PIK3IP1: variants seen among roughly 807,000 people sequenced by gnomAD.
The protein encoded by PIK3IP1 is phosphoinositide-3-kinase interacting protein 1, also known as phosphoinositide-3-kinase-interacting protein 1.
PIK3IP1 carries 28 observed loss-of-function variants against 30.7 expected under a neutral mutation model. The observed-to-expected ratio is 0.91, with a 90% confidence interval of 0.68 to 1.25. The LOEUF is 1.25. Among genes scored for constraint, PIK3IP1 ranks in the 50% most tolerant of loss-of-function variants. PIK3IP1 has a pLI of 0.00. For missense variants in PIK3IP1, 333 were observed against 346.2 expected, an observed-to-expected ratio of 0.96 and a Z score of 0.30; for synonymous variants, 159 against 140.8, an observed-to-expected ratio of 1.13 and a Z score of -0.91.
At position 31,289,561 on chromosome 22, in the gene PIK3IP1, A is replaced by G; in HGVS notation, c.446T>C (p.Val149Ala). Residue 149 changes from valine (V) to alanine (A), a missense_variant, in exon 4 of 6, where the codon GTG (valine) becomes GCG (alanine). Val to Ala is a moderately conservative substitution (Grantham distance 64). Coordinates refer to ENST00000215912, the MANE Select transcript of PIK3IP1 (RefSeq NM_052880.5). ...ARSEAAAVQP[V>A]IGISQRVRMN... ...CCGCACCCGCTGGCTGATCCCAATC[A>G]CTGGCTGCACAGCTGCCGCCTCACT... The G allele has an allele frequency of 6.4e-7, 1 of 1,556,812 alleles. No homozygotes were observed. The highest frequency in any genetic ancestry group is 1.3e-5 in the African/African-American group (1 of 74,304).
At position 31,292,338 on chromosome 22, in the gene PIK3IP1, A is replaced by G. The variant is rs1305890612; in HGVS notation, c.7T>C (p.Leu3=). 15 of 1,614,000 alleles carry G rather than the reference A, an allele frequency of 9.3e-6. No homozygotes were observed. The highest frequency in any genetic ancestry group is 1.7e-5 in the Admixed American group (1 of 59,986). The change falls in exon 1 of 6, where the codon TTG becomes CTG. Residue 3 remains leucine, a synonymous_variant. Coordinates refer to ENST00000215912, the MANE Select transcript of PIK3IP1 (RefSeq NM_052880.5). ML[L]AWVQAFLVSN... is the part of the protein sequence containing the mutation. ...ACGAGGAATGCTTGTACCCAGGCCA[A>G]CAGCATCCTTGCCTCCTTCGTCTTG...
At chr22:31,285,348 A>G (rs1273416677) in intron 5 of PIK3IP1, among the ~76,000 whole-genome samples, 1 of 152,222 alleles carries the variant, frequency 6.6e-6, no homozygotes, top group Admixed American at 6.5e-5. Context: ...TTGTATGCCT[A>G]AACTATACTG....
intron 2 of PIK3IP1, 44 bp downstream of exon 2, chr22:31,291,136 C>T (rs1171800415): frequency 1.6e-5 from 25 of 1,536,448 alleles, no homozygotes; most frequent in Non-Finnish European, 1.9e-5. Context: ...GGGAACGCGG[C>T]CGCCGCCCGC....
intron 5 of PIK3IP1, 121 bp from the exon 6 acceptor site, chr22:31,283,409 C>T: frequency 9.4e-7 from 1 of 1,059,594 alleles, no homozygotes; most frequent in Non-Finnish European, 1.4e-6. Context: ...AAATCAGTGG[C>T]TGAGCCAGGA....
chr22:31,283,615 G>A (rs1205995679), intron 5 of PIK3IP1, among the ~76,000 whole-genome samples: 1 of 148,764 alleles, frequency 6.7e-6, no homozygotes, highest in Non-Finnish European at 1.5e-5. Flanking sequence ...TTTTATGGTT[G>A]AGACAGGGTC....
rs189173797 is a variant in PIK3IP1 at position 31,286,191 on chromosome 22, T to C, written c.588-2903A>G. Among the ~76,000 whole-genome samples, 17 of 152,122 alleles carry C rather than the reference T, an allele frequency of 1.1e-4. No homozygotes were observed. In the East Asian group the frequency reaches 2.9e-3, roughly 26 times the overall value. Reference sequence around the variant, plus strand: ...AAGATAATCAGGGAAGAGCATACAGTAGGGCCTTACTTATTAAGAAAGCAT... The same window carrying C: ...AAGATAATCAGGGAAGAGCATACAGCAGGGCCTTACTTATTAAGAAAGCAT... On this transcript the variant is annotated intron_variant, in intron 5 of 5. Coordinates refer to ENST00000215912, the MANE Select transcript of PIK3IP1 (RefSeq NM_052880.5).
intron 5 of PIK3IP1, among the ~76,000 whole-genome samples, chr22:31,286,990 CAG>C (rs200763237): frequency 6.7e-6 from 1 of 149,686 alleles, no homozygotes; most frequent in African/African-American, 2.5e-5. Flanking sequence ...CATAAGAAAT[CAG>C]AGAGTACTAG....
rs143044804 is a variant in PIK3IP1 at position 31,283,128 on chromosome 22, C to T, written c.748G>A (p.Gly250Ser). Residue 250 changes from glycine to serine, a missense_variant, in exon 6 of 6, where the codon GGC (glycine) becomes AGC (serine). Transcript: ENST00000215912. Reference protein sequence around the residue: ...TSQTPVDPQEGTTPLMGQAGT... With the variant: ...TSQTPVDPQESTTPLMGQAGT... ...GCCTGGCCCATAAGGGGGGTGGTGCCCTCCTGAGGGTCAACTGGAGTCTGG... is the reference window on the plus strand; with the variant it reads ...GCCTGGCCCATAAGGGGGGTGGTGCTCTCCTGAGGGTCAACTGGAGTCTGG... 159 of 1,613,124 alleles carry T rather than the reference C, an allele frequency of 9.9e-5. 1 individual carries two copies. In the African/African-American group the frequency reaches 1.9e-3, roughly 19 times the overall value.
At chr22:31,284,069 G>A (rs2049112713) in intron 5 of PIK3IP1, among the ~76,000 whole-genome samples, 1 of 152,024 alleles carries the variant, frequency 6.6e-6, no homozygotes, top group African/African-American at 2.4e-5. Context: ...CACGCCCAGA[G>A]TATTTTGTAT....
Position 31,283,172 on chromosome 22 carries a change from G to A in PIK3IP1, c.704C>T (p.Thr235Ile). Residue 235 changes from threonine to isoleucine, a missense_variant, in exon 6 of 6, where the codon ACT (threonine) becomes ATT (isoleucine). Thr to Ile is a moderately conservative substitution (Grantham distance 89, BLOSUM62 -1). Coordinates refer to ENST00000215912, the MANE Select transcript of PIK3IP1 (RefSeq NM_052880.5). ...AGTCTGGCTGGTGTGGACCACGACA[G>A]TCTTCTCATCCACAATCTCACAGGT... ...NPTCEIVDEKTVVVHTSQTPV... is the reference protein window; with the variant it reads ...NPTCEIVDEKIVVVHTSQTPV... 6.2e-7 allele frequency: 1 copy of A among 1,614,212 alleles called. No individual in the cohort carries two copies. Among genetic ancestry groups the A allele is most frequent in the Non-Finnish European group, 8.5e-7 (1 of 1,180,038 alleles).
rs1480089305 is a variant in PIK3IP1 at position 31,283,619 on chromosome 22, CAG to C, written c.588-333_588-332del. On this transcript the variant is annotated intron_variant, in intron 5 of 5. Coordinates refer to ENST00000215912, the MANE Select transcript of PIK3IP1 (RefSeq NM_052880.5). Reference sequence around the variant, plus strand: ...TTTTTTTTTTTTTTTATGGTTGAGACAGGGTCTCAACATGTTGCCTAGGCTGG... The same window carrying C: ...TTTTTTTTTTTTTTTATGGTTGAGACGGTCTCAACATGTTGCCTAGGCTGG... Among the ~76,000 whole-genome samples the C allele has an allele frequency of 2.0e-5, 3 of 149,356 alleles. No homozygotes were observed. In the East Asian group the frequency reaches 5.9e-4, roughly 29 times the overall value.
intron 3 of PIK3IP1, 39 bp downstream of exon 3, chr22:31,290,926 G>C: frequency 1.8e-5 from 27 of 1,536,722 alleles, no homozygotes; most frequent in Non-Finnish European, 2.0e-5. Flanking sequence ...CTTCCTGTCA[G>C]CGCCAGGAGC....
intron 3 of PIK3IP1, chr22:31,290,016 T>G (rs1033595892): frequency 3.4e-6 from 1 of 294,106 alleles, no homozygotes; most frequent in African/African-American, 2.2e-5. Context: ...TTCCCCCCAC[T>G]TCTACTTCAG....
In PIK3IP1 at chr22:31,283,091, C is replaced by T. The variant is rs370824040; in HGVS notation, c.785G>A (p.Gly262Glu). ...CCTGCCCACTGGGGGGGCTCAGGCC[C>T]CAGGAGTCCCGGCCTGGCCCATAAG... ...TPLMGQAGTP[G>E]A Residue 262 changes from glycine (G) to glutamate (E), a missense_variant, in exon 6 of 6, where the codon GGG becomes GAG. Gly to Glu is a moderately conservative substitution (Grantham distance 98, BLOSUM62 -2). Coordinates refer to ENST00000215912, the MANE Select transcript of PIK3IP1 (RefSeq NM_052880.5). 5.6e-6 allele frequency: 9 copies of T among 1,595,214 alleles called. No individual in the cohort carries two copies. The highest frequency in any genetic ancestry group is 7.7e-6 in the Non-Finnish European group (9 of 1,170,990).
chr22:31,283,436 G>C (rs534918553), intron 5 of PIK3IP1, 148 bp from the exon 6 acceptor site: 1 of 770,914 alleles, frequency 1.3e-6, no homozygotes, highest in African/African-American at 1.7e-5. Flanking sequence ...CTCAGGTCCA[G>C]GATTCTAGGA....
chr22:31,290,879 T>TCGCGCGGCCGCACGTGCGCCAC, intron 3 of PIK3IP1, 86 bp downstream of exon 3: 2 of 1,439,926 alleles, frequency 1.4e-6, no homozygotes, highest in South Asian at 1.5e-5. Context: ...CCGGCCGGCA[T>TCGCGCGGCCGCACGTGCGCCAC]CGCGCGGCCG....
In PIK3IP1 at chr22:31,282,831, G is replaced by A; in HGVS notation, c.*253C>T. 2.1e-6 allele frequency: 1 copy of A among 468,318 alleles called. No homozygotes were observed. The highest frequency in any genetic ancestry group is 3.9e-6 in the Non-Finnish European group (1 of 257,010). 29.0% of individuals were successfully genotyped at this position (468,318 alleles called of 1,614,324 possible). ...AAGCCCTTAGCAGCAGCATCACTGT[G>A]GGAGCTGCCACTGTCTCCATCCACA... On this transcript the variant is annotated 3_prime_UTR_variant, in exon 6 of 6. Transcript: ENST00000215912.
Position 31,289,513 on chromosome 22 carries a change from T to C in PIK3IP1, c.494A>G (p.Asp165Gly). The change falls in exon 4 of 6, where the codon GAC becomes GGC. Residue 165 changes from aspartate (D) to glycine (G), a missense_variant. By Grantham distance (94) the Asp-to-Gly change is moderately conservative (BLOSUM62 -1). Transcript: ENST00000215912. ...RVRMNSKEKK[D>G]LGTLGYVLGI... is the part of the protein sequence containing the mutation. ...GACCGTCATACCCAGAGTTCCCAGG[T>C]CCTTTTTCTCCTTGGAGTTCATCCG... 1 of 1,532,276 alleles carries C rather than the reference T, an allele frequency of 6.5e-7. No homozygotes were observed. The highest frequency in any genetic ancestry group is 8.8e-7 in the Non-Finnish European group (1 of 1,137,572). The allele number at this position is 1,532,276 out of a possible 1,614,324, so 94.9% of individuals were successfully genotyped here.
At position 31,283,218 on chromosome 22, in the gene PIK3IP1, AGGGCAGAGT is replaced by A; in HGVS notation, c.649_657del (p.Thr217_Pro219del). 6.2e-7 allele frequency: 1 copy of A among 1,614,236 alleles called. No individual in the cohort carries two copies. The highest frequency in any genetic ancestry group is 1.1e-5 in the South Asian group (1 of 91,088). ...CAGGTGGGGTTGGTGAAGGCAGACA[AGGGCAGAGT>A]GATTCGCTGCATCTCCCTCTCACAT... On this transcript the variant is annotated inframe_deletion, in exon 6 of 6. Transcript: ENST00000215912.
Sources: gnomAD v4.1 joint callset for allele counts (sites outside exome capture counted in the v4.1 genomes callset) on GRCh38, gnomAD v4.1.1 for gene constraint, MANE v1.5 for transcripts, NCBI Gene and HGNC (gene_info 2026-07-23, HGNC 2026-07-21) for gene names.